Variants in SLC12A1 observed in about 807,000 individuals in gnomAD.
SLC12A1 encodes the protein solute carrier family 12 member 1.
A neutral mutation model predicts 130.4 loss-of-function variants in SLC12A1; 89 were observed. The ratio of observed to expected loss-of-function variants is 0.68; its 90% CI spans 0.58 to 0.81. The LOEUF is 0.81. SLC12A1 is among the 40% of genes least tolerant of loss of function. The probability of loss-of-function intolerance (pLI) is 0.00; values close to 1 mark genes in which losing one functional copy is unlikely to be tolerated. For missense variants in SLC12A1, 1,310 were observed against 1,336.4 expected (o/e 0.98, Z 0.31); for synonymous variants, 499 against 460.0 (o/e 1.08, Z -1.09).
intron 19 of SLC12A1, 25 bp downstream of exon 19, chr15:48,269,789 T>C: frequency 7.6e-7 from 1 of 1,313,262 alleles, no homozygotes; most frequent in South Asian, 1.2e-5. Context: ...TCAAGACGTG[T>C]TCTTGTTTAT....
chr15:48,292,003 T>C, intron 24 of SLC12A1, 139 bp downstream of exon 24: 2 of 610,638 alleles, frequency 3.3e-6, no homozygotes, highest in Non-Finnish European at 5.8e-6. Flanking sequence ...AGCCTTCAAA[T>C]AAGCATGACA....
intron 11 of SLC12A1, among the ~76,000 whole-genome samples, chr15:48,245,432 C>G (rs2041566223): frequency 6.6e-6 from 1 of 152,142 alleles, no homozygotes; most frequent in South Asian, 2.1e-4. Context: ...TCTATCCCCT[C>G]TCTGGTCGCC....
At chr15:48,238,745 G>C (rs1220291004) in intron 9 of SLC12A1, among the ~76,000 whole-genome samples, 1 of 152,184 alleles carries the variant, frequency 6.6e-6, no homozygotes. Flanking sequence ...TATAGGATAG[G>C]AAAGATCCTG....
chr15:48,229,915 T>G (rs1217740605), intron 6 of SLC12A1, among the ~76,000 whole-genome samples: 1 of 152,184 alleles, frequency 6.6e-6, no homozygotes, highest in Non-Finnish European at 1.5e-5. Flanking sequence ...TATTTAAAAA[T>G]TAGATAAATA....
At chr15:48,279,620 C>CA (rs1292588590) in intron 20 of SLC12A1, among the ~76,000 whole-genome samples, 3 of 151,984 alleles carry the variant, frequency 2.0e-5, no homozygotes, top group Non-Finnish European at 4.4e-5. Flanking sequence ...ACAACACACA[C>CA]AAAAAAAGCC....
At chr15:48,256,630 A>T (rs140137487) in intron 16 of SLC12A1, among the ~76,000 whole-genome samples, 42 of 152,308 alleles carry the variant, frequency 2.8e-4, no homozygotes, top group African/African-American at 1.0e-3. Context: ...GTGCAGGGGA[A>T]CTGCCCTTTA....
chr15:48,209,471 T>C (rs139661100), intron 2 of SLC12A1, among the ~76,000 whole-genome samples: 31 of 152,234 alleles, frequency 2.0e-4, no homozygotes, highest in Admixed American at 3.9e-4. Context: ...ATAAATATCA[T>C]TCTTTATAAA....
chr15:48,236,057 G>A (rs144286698), intron 9 of SLC12A1, among the ~76,000 whole-genome samples: 5 of 151,300 alleles, frequency 3.3e-5, no homozygotes, highest in Non-Finnish European at 7.4e-5. Flanking sequence ...AAGGAGGAAA[G>A]TGAGGACATA....
intron 18 of SLC12A1, among the ~76,000 whole-genome samples, chr15:48,269,188 A>G (rs185227314): frequency 5.3e-5 from 8 of 152,362 alleles, no homozygotes; most frequent in Non-Finnish European, 1.0e-4. Context: ...TTTTGGAAAC[A>G]TAATTCAGTC....
At chr15:48,294,802 T>C (rs2042158201) in intron 24 of SLC12A1, among the ~76,000 whole-genome samples, 1 of 151,988 alleles carries the variant, frequency 6.6e-6, no homozygotes, top group Non-Finnish European at 1.5e-5. Context: ...CCATTTTCTG[T>C]TGTCTAGTGG....
chr15:48,214,171 C>T (rs2041090379), intron 2 of SLC12A1, among the ~76,000 whole-genome samples: 1 of 152,054 alleles, frequency 6.6e-6, no homozygotes, highest in Non-Finnish European at 1.5e-5. Flanking sequence ...TTGGAGTGAA[C>T]CTCTGCAACT....
chr15:48,271,113 G>C (rs2041894188), intron 19 of SLC12A1, among the ~76,000 whole-genome samples: 1 of 151,904 alleles, frequency 6.6e-6, no homozygotes, highest in African/African-American at 2.4e-5. Context: ...TTGGGAGGCT[G>C]AGGCAGGAGA....
At chr15:48,285,962 C>T (rs112459307) in intron 21 of SLC12A1, among the ~76,000 whole-genome samples, 3,769 of 152,286 alleles carry the variant, frequency 0.025, 75 homozygotes, top group African/African-American at 0.047. Context: ...TGTTACCAGG[C>T]ATTTGTTTAT....
intron 21 of SLC12A1, among the ~76,000 whole-genome samples, chr15:48,287,808 A>G (rs1343384759): frequency 6.6e-6 from 1 of 152,228 alleles, no homozygotes; most frequent in Non-Finnish European, 1.5e-5. Context: ...AACTATTATT[A>G]TAAAGCTGTT....
At chr15:48,253,862 T>C (rs989237247) in intron 15 of SLC12A1, among the ~76,000 whole-genome samples, 1 of 152,268 alleles carries the variant, frequency 6.6e-6, no homozygotes, top group Non-Finnish European at 1.5e-5. Context: ...TTCTAATAGA[T>C]GTGTAGTGCC....
chr15:48,281,514 G>A (rs1003801833), intron 20 of SLC12A1, among the ~76,000 whole-genome samples: 4 of 152,188 alleles, frequency 2.6e-5, no homozygotes, highest in African/African-American at 9.7e-5. Flanking sequence ...CCTTCAACAG[G>A]CAGCTATTGC....
chr15:48,266,871 T>C, intron 17 of SLC12A1, among the ~76,000 whole-genome samples: 1 of 152,222 alleles, frequency 6.6e-6, no homozygotes, highest in Non-Finnish European at 1.5e-5. Flanking sequence ...AATTATAAAA[T>C]GCCTTATCAA....
At chr15:48,225,130 T>A (rs2041267815) in intron 4 of SLC12A1, 1 of 152,232 alleles carries the variant, frequency 6.6e-6, no homozygotes, top group East Asian at 1.9e-4. Context: ...ACACATGCAT[T>A]CTTTCTAATT....
intron 21 of SLC12A1, 120 bp from the exon 22 acceptor site, chr15:48,287,923 T>G (rs911798630): frequency 9.4e-7 from 1 of 1,068,902 alleles, no homozygotes; most frequent in Admixed American, 3.2e-5. Context: ...CTATTTATTT[T>G]AGGTATAATA....
Sources: allele counts gnomAD v4.1 joint callset (sites outside exome capture counted in the v4.1 genomes callset), GRCh38; gene constraint gnomAD v4.1.1; transcripts MANE v1.5; gene names NCBI Gene and HGNC (gene_info 2026-07-23, HGNC 2026-07-21).